Variants in GPC5 observed in about 807,000 individuals in gnomAD.
The protein encoded by GPC5 is glypican 5.
In GPC5, 47 loss-of-function variants were observed where a neutral mutation model predicts 53.9. The ratio of observed to expected loss-of-function variants is 0.87; its 90% confidence interval spans 0.69 to 1.11. The LOEUF is 1.11. Among genes scored for constraint, GPC5 ranks in the 50% most tolerant of loss-of-function variants. The pLI is 0.00. For synonymous variants in GPC5, 286 were observed against 263.3 expected, an observed-to-expected ratio of 1.09 and a Z score of -0.84; for missense variants, 748 against 713.1, an observed-to-expected ratio of 1.05 and a Z score of -0.56.
At chr13:92,838,445 T>G (rs569883930) in intron 7 of GPC5, among the ~76,000 whole-genome samples, 1 of 149,646 alleles carries the variant, frequency 6.7e-6, no homozygotes, top group African/African-American at 2.5e-5. Flanking sequence ...ATCACGCCAC[T>G]GCACTCCAGC....
At chr13:91,579,191 CAG>C (rs1186388860) in intron 2 of GPC5, among the ~76,000 whole-genome samples, 1 of 152,102 alleles carries the variant, frequency 6.6e-6, no homozygotes, top group East Asian at 1.9e-4. Context: ...GGGATTCAAC[CAG>C]AGAGCCATAC....
chr13:91,873,702 G>A (rs757802056), intron 5 of GPC5, among the ~76,000 whole-genome samples: 1 of 152,182 alleles, frequency 6.6e-6, no homozygotes, highest in Non-Finnish European at 1.5e-5. Flanking sequence ...CATCAAAATG[G>A]ATTAATACAG....
rs188092947 is a variant in GPC5 at position 92,326,418 on chromosome 13, A to G, written c.1561+181429A>G. On this transcript the variant is annotated intron_variant, in intron 7 of 7. Transcript: ENST00000377067. The stretch of plus-strand genomic sequence containing the variant: ...TCAATTTACTAATATTTTTATAGAA[A>G]CTTCAGCCAGTGTGTATATGTATAT... Among the ~76,000 whole-genome samples, 29 of 152,164 alleles carry G rather than the reference A, an allele frequency of 1.9e-4. 1 individual carries two copies. The East Asian group carries it at 5.6e-3, about 29-fold the overall frequency.
At chr13:92,671,847 T>G (rs61975942) in intron 7 of GPC5, among the ~76,000 whole-genome samples, 33,621 of 152,116 alleles carry the variant, frequency 0.22, 4,379 homozygotes, top group South Asian at 0.36. Flanking sequence ...TTAAAAAGGA[T>G]AAATAAACTG....
intron 6 of GPC5, among the ~76,000 whole-genome samples, chr13:92,042,270 G>A (rs1459881956): frequency 6.6e-6 from 1 of 152,120 alleles, no homozygotes; most frequent in Non-Finnish European, 1.5e-5. Flanking sequence ...AGTAGTCAGA[G>A]AACCATCAAG....
In GPC5 at chr13:92,121,382, C is replaced by T. The variant is rs117195354; in HGVS notation, c.1402-23448C>T. On this transcript the variant is annotated intron_variant, in intron 6 of 7. Coordinates refer to ENST00000377067, the MANE Select transcript of GPC5 (RefSeq NM_004466.6). ...CACTTCTGCTCTTTGAGAAGTCACA[C>T]AAACAATTGCTGAATTAATCTGTCA... Among the ~76,000 whole-genome samples, 488 of 152,300 alleles carry T rather than the reference C, an allele frequency of 3.2e-3. 7 individuals are homozygous for T. The highest frequency in any genetic ancestry group is 0.017 in the East Asian group (87 of 5,172).
chr13:91,765,432 C>T (rs1019162074), intron 5 of GPC5, among the ~76,000 whole-genome samples: 1 of 152,244 alleles, frequency 6.6e-6, no homozygotes, highest in Non-Finnish European at 1.5e-5. Context: ...TGTATGCCAT[C>T]TATTGTCCCT....
At chr13:91,543,784 T>G (rs959023358) in intron 2 of GPC5, among the ~76,000 whole-genome samples, 13 of 152,190 alleles carry the variant, frequency 8.5e-5, no homozygotes, top group Non-Finnish European at 1.8e-4. Context: ...GTTGAATTAA[T>G]TGTAAAGAGA....
chr13:91,454,189 T>A (rs932352162), intron 2 of GPC5, among the ~76,000 whole-genome samples: 2 of 152,086 alleles, frequency 1.3e-5, no homozygotes, highest in Admixed American at 1.3e-4. Flanking sequence ...ATATTAATTA[T>A]GAGAAACCAA....
At chr13:92,015,934 T>C (rs2040703029) in intron 6 of GPC5, among the ~76,000 whole-genome samples, 1 of 152,206 alleles carries the variant, frequency 6.6e-6, no homozygotes, top group African/African-American at 2.4e-5. Flanking sequence ...CATACAACAA[T>C]CTACTCTACT....
intron 7 of GPC5, among the ~76,000 whole-genome samples, chr13:92,801,278 A>G (rs1876897667): frequency 6.6e-6 from 1 of 151,732 alleles, no homozygotes. Flanking sequence ...CACAGACTGC[A>G]TATACGACTG....
chr13:92,126,784 A>G (rs140516524), intron 6 of GPC5, among the ~76,000 whole-genome samples: 1 of 151,662 alleles, frequency 6.6e-6, no homozygotes, highest in Admixed American at 6.6e-5. Context: ...AACCAGTAGG[A>G]TACTAACAAT....
chr13:92,692,170 C>G (rs930295292), intron 7 of GPC5, among the ~76,000 whole-genome samples: 1 of 152,086 alleles, frequency 6.6e-6, no homozygotes, highest in Admixed American at 6.6e-5. Context: ...GGATAATGGT[C>G]TCCAGCTACA....
chr13:92,377,609 G>A (rs1422637680), intron 7 of GPC5, among the ~76,000 whole-genome samples: 1 of 152,054 alleles, frequency 6.6e-6, no homozygotes, highest in African/African-American at 2.4e-5. Flanking sequence ...CTAAGCAAAA[G>A]CATACTAACT....
At chr13:92,344,843 A>AT (rs929052628) in intron 7 of GPC5, among the ~76,000 whole-genome samples, 9 of 152,090 alleles carry the variant, frequency 5.9e-5, no homozygotes, top group African/African-American at 2.2e-4. Flanking sequence ...CACTAAATGC[A>AT]TTTTTCTTCC....
intron 7 of GPC5, among the ~76,000 whole-genome samples, chr13:92,211,926 T>A (rs1192746261): frequency 6.6e-6 from 1 of 152,170 alleles, no homozygotes; most frequent in Non-Finnish European, 1.5e-5. Context: ...GGCCTGTTGA[T>A]TGCAAAAGTC....
intron 7 of GPC5, among the ~76,000 whole-genome samples, chr13:92,683,435 T>C (rs1158020058): frequency 6.6e-6 from 1 of 152,148 alleles, no homozygotes; most frequent in Non-Finnish European, 1.5e-5. Context: ...TCATTCTCAG[T>C]TGAAGAACCG....
chr13:91,763,731 T>C (rs918428117), intron 5 of GPC5, among the ~76,000 whole-genome samples: 3 of 152,146 alleles, frequency 2.0e-5, no homozygotes, highest in Admixed American at 1.3e-4. Flanking sequence ...TTACACTTTC[T>C]TGGTAGGTAA....
At chr13:92,431,462 T>C (rs1171442650) in intron 7 of GPC5, among the ~76,000 whole-genome samples, 1 of 151,072 alleles carries the variant, frequency 6.6e-6, no homozygotes, top group Non-Finnish European at 1.5e-5. Context: ...GCTAAATAGT[T>C]GAGGCAACTA....
Sources: gnomAD v4.1 joint callset for allele counts (sites outside exome capture counted in the v4.1 genomes callset) on GRCh38, gnomAD v4.1.1 for gene constraint, MANE v1.5 for transcripts, NCBI Gene and HGNC (gene_info 2026-07-23, HGNC 2026-07-21) for gene names.